CNTNAP5: variants seen among roughly 807,000 people sequenced by gnomAD.
CNTNAP5 encodes the protein contactin-associated protein-like 5.
A neutral mutation model predicts 150.2 loss-of-function variants in CNTNAP5; 72 were observed. That is an observed-to-expected ratio of 0.48 (90% CI 0.40 to 0.58). CNTNAP5 has a LOEUF of 0.58. Among genes scored for constraint, CNTNAP5 ranks in the 20% least tolerant of loss-of-function variants. The probability of loss-of-function intolerance (pLI) is 0.00; values close to 1 mark genes in which losing one functional copy is unlikely to be tolerated. For missense variants in CNTNAP5, 1,636 were observed against 1,626.2 expected (o/e 1.01, Z -0.10); for synonymous variants, 672 against 619.8 (o/e 1.08, Z -1.25).
chr2:124,820,398 A>C (rs1037858083), intron 19 of CNTNAP5, among the ~76,000 whole-genome samples: 1 of 151,938 alleles, frequency 6.6e-6, no homozygotes, highest in African/African-American at 2.4e-5. Context: ...TCTGTGACCC[A>C]GAAGAAGGGA....
chr2:124,818,637 G>A (rs1682419713), intron 19 of CNTNAP5, among the ~76,000 whole-genome samples: 1 of 152,052 alleles, frequency 6.6e-6, no homozygotes, highest in Non-Finnish European at 1.5e-5. Flanking sequence ...ACCCCTGCAG[G>A]CTGCCATCTC....
In CNTNAP5 at chr2:124,896,299, G is replaced by A. The variant is rs116482455; in HGVS notation, c.3437-6583G>A. 2.0e-3 allele frequency among the ~76,000 whole-genome samples: 300 copies of A among 151,500 alleles called. 17 individuals carry two copies. The highest frequency in any genetic ancestry group is 7.0e-3 in the African/African-American group (286 of 40,920). On this transcript the variant is annotated intron_variant, in intron 21 of 23. Transcript: ENST00000682447. ...CACACACACACACACATACATGAAT[G>A]TCACTGATTAGATGCCATTATTGTT...
intron 10 of CNTNAP5, among the ~76,000 whole-genome samples, chr2:124,544,973 C>T (rs1417217197): frequency 6.6e-6 from 1 of 152,092 alleles, no homozygotes; most frequent in Non-Finnish European, 1.5e-5. Flanking sequence ...TAATTTCTCC[C>T]AACATCCTTG....
At chr2:124,804,180 T>C (rs528768546) in intron 19 of CNTNAP5, among the ~76,000 whole-genome samples, 3 of 152,302 alleles carry the variant, frequency 2.0e-5, no homozygotes, top group Admixed American at 2.0e-4. Context: ...TTCACAGTAA[T>C]GAGGTTATGA....
At chr2:124,767,907 T>C (rs1356943675) in intron 16 of CNTNAP5, among the ~76,000 whole-genome samples, 12 of 152,200 alleles carry the variant, frequency 7.9e-5, no homozygotes. Context: ...GCATCCCAGC[T>C]GGTGAAGAAT....
chr2:124,844,861 G>A (rs1275794786), intron 19 of CNTNAP5, among the ~76,000 whole-genome samples: 5 of 151,930 alleles, frequency 3.3e-5, no homozygotes, highest in African/African-American at 1.2e-4. Flanking sequence ...ACCAATTATG[G>A]GAGCTTTTTG....
chr2:124,678,464 C>T (rs1185366891), intron 13 of CNTNAP5, among the ~76,000 whole-genome samples: 1 of 151,628 alleles, frequency 6.6e-6, no homozygotes, highest in Non-Finnish European at 1.5e-5. Flanking sequence ...TTTTCCAGAG[C>T]TTCCTCACCG....
intron 18 of CNTNAP5, 103 bp downstream of exon 18, chr2:124,790,244 A>G (rs1272641188): frequency 2.4e-6 from 3 of 1,245,376 alleles, no homozygotes; most frequent in African/African-American, 3.0e-5. Flanking sequence ...TTTATCATCT[A>G]CTCTCCCGCT....
chr2:124,093,152 G>T (rs1682853520), intron 1 of CNTNAP5, among the ~76,000 whole-genome samples: 1 of 152,330 alleles, frequency 6.6e-6, no homozygotes, highest in Non-Finnish European at 1.5e-5. Context: ...ATATCAGGCT[G>T]CACTGTTTAT....
chr2:124,349,724 T>C (rs1573932990), intron 3 of CNTNAP5, among the ~76,000 whole-genome samples: 1 of 152,036 alleles, frequency 6.6e-6, no homozygotes, highest in Non-Finnish European at 1.5e-5. Flanking sequence ...CTGTAAGATA[T>C]TTTTACTCTG....
chr2:124,214,646 C>G (rs950101928), intron 1 of CNTNAP5, among the ~76,000 whole-genome samples: 17 of 152,160 alleles, frequency 1.1e-4, no homozygotes, highest in African/African-American at 4.1e-4. Flanking sequence ...GCAGAAGGCT[C>G]AGGACTCCTG....
rs1450847004 is a variant in CNTNAP5 at position 124,905,440 on chromosome 2, G to A, written c.3655+2340G>A. On this transcript the variant is annotated intron_variant, in intron 22 of 23. Transcript: ENST00000682447. The stretch of plus-strand genomic sequence containing the variant: ...TATGTAACGAAAATAAATTAAATCA[G>A]CCTTTCTTAAAAGTAGAAAAAACCC... Among the ~76,000 whole-genome samples, 3 of 151,952 alleles carry A rather than the reference G, an allele frequency of 2.0e-5. No individual in the cohort carries two copies. The East Asian group carries it at 5.8e-4, about 29-fold the overall frequency.
At chr2:124,657,949 C>A (rs6541966) in intron 13 of CNTNAP5, among the ~76,000 whole-genome samples, 82,128 of 152,088 alleles carry the variant, frequency 0.54, 22,871 homozygotes, top group Non-Finnish European at 0.62. Context: ...CAGATACCTT[C>A]TTCTTGCTTA....
Position 124,242,248 on chromosome 2 carries a change from A to AGAT in CNTNAP5, c.238_240dup (p.Met80dup), listed in dbSNP as rs1558816102. 3.7e-6 allele frequency: 6 copies of AGAT among 1,603,818 alleles called. No homozygotes were observed. The highest frequency in any genetic ancestry group is 4.3e-6 in the Non-Finnish European group (5 of 1,174,760). Reference sequence around the variant, plus strand: ...GATTCCAATGCTCAACAGTGGCTCCAGATGGACCTGGGAAACAGAGTAGAG... The same window carrying AGAT: ...GATTCCAATGCTCAACAGTGGCTCCAGATGATGGACCTGGGAAACAGAGTAGAG... On this transcript the variant is annotated inframe_insertion, in exon 3 of 24. Coordinates refer to ENST00000682447, the MANE Select transcript of CNTNAP5 (RefSeq NM_001367498.1).
intron 3 of CNTNAP5, among the ~76,000 whole-genome samples, chr2:124,402,372 G>T (rs191021298): frequency 6.6e-6 from 1 of 152,148 alleles, no homozygotes; most frequent in African/African-American, 2.4e-5. Context: ...CACCTTCAGT[G>T]TCCCAGGTAC....
At chr2:124,289,262 C>A (rs1165716519) in intron 3 of CNTNAP5, among the ~76,000 whole-genome samples, 1 of 152,170 alleles carries the variant, frequency 6.6e-6, no homozygotes, top group Admixed American at 6.5e-5. Context: ...CCAAAGTTAA[C>A]CTTCACTGTA....
chr2:124,647,402 T>C (rs1031573033), intron 12 of CNTNAP5, among the ~76,000 whole-genome samples: 31 of 39,888 alleles, frequency 7.8e-4, no homozygotes, highest in African/African-American at 1.8e-3. Flanking sequence ...ACTTATTAAC[T>C]GTGGGATATT....
At chr2:124,888,253 C>T (rs989894392) in intron 21 of CNTNAP5, among the ~76,000 whole-genome samples, 1 of 152,100 alleles carries the variant, frequency 6.6e-6, no homozygotes, top group African/African-American at 2.4e-5. Flanking sequence ...CCAGCTGTAT[C>T]CATGTTGCTG....
intron 21 of CNTNAP5, among the ~76,000 whole-genome samples, chr2:124,877,062 A>AT (rs1304047307): frequency 6.6e-6 from 1 of 151,928 alleles, no homozygotes; most frequent in Non-Finnish European, 1.5e-5. Flanking sequence ...AACAAGTTAC[A>AT]TTTTTTCCCC....
Sources: gnomAD v4.1 joint callset for allele counts (sites outside exome capture counted in the v4.1 genomes callset) on GRCh38, gnomAD v4.1.1 for gene constraint, MANE v1.5 for transcripts, NCBI Gene and HGNC (gene_info 2026-07-23, HGNC 2026-07-21) for gene names.